Variants in KCNIP3 observed in about 807,000 individuals in gnomAD.
The protein encoded by KCNIP3 is calsenilin.
KCNIP3 carries 28 observed loss-of-function variants against 35.0 expected under a neutral mutation model. The ratio of observed to expected loss-of-function variants is 0.80; its 90% CI spans 0.59 to 1.10. The LOEUF is 1.10. Ranked by LOEUF, KCNIP3 falls within the 50% of genes least tolerant of loss-of-function variation. The probability of loss-of-function intolerance (pLI) is 0.00; values close to 1 mark genes in which losing one functional copy is unlikely to be tolerated. For synonymous variants in KCNIP3, 134 were observed against 133.8 expected, an observed-to-expected ratio of 1.00 and a Z score of -0.01; for missense variants, 295 against 338.4, an observed-to-expected ratio of 0.87 and a Z score of 1.01.
intron 2 of KCNIP3, among the ~76,000 whole-genome samples, chr2:95,314,180 G>A (rs538453531): frequency 5.3e-5 from 8 of 152,026 alleles, no homozygotes; most frequent in Admixed American, 4.6e-4. Context: ...GAAAGGCATC[G>A]GAACAAAAGG....
chr2:95,347,143 C>G (rs760872093), intron 2 of KCNIP3: 2 of 1,585,934 alleles, frequency 1.3e-6, no homozygotes, highest in Non-Finnish European at 1.7e-6. Flanking sequence ...GCCACTTGCC[C>G]CTTCGCCGCC....
Position 95,368,501 on chromosome 2 carries a change from C to T in KCNIP3, c.182-5795C>T, listed in dbSNP as rs370841406. The T allele has an allele frequency of 1.5e-3, 339 of 233,198 alleles. 2 individuals are homozygous for T. The highest frequency in any genetic ancestry group is 2.4e-3 in the South Asian group (32 of 13,440). 14.4% of individuals were successfully genotyped at this position (233,198 alleles called of 1,614,324 possible). A position where few individuals can be genotyped will look rare whatever the true frequency, so the allele number is the denominator to read the frequency against. Reference sequence around the variant, plus strand: ...AAGAACTTACTCATGTAAGCAGACACGACCTGTTCCTCAATAACCTATGGA... The same window carrying T: ...AAGAACTTACTCATGTAAGCAGACATGACCTGTTCCTCAATAACCTATGGA... On this transcript the variant is annotated intron_variant, in intron 2 of 8. Transcript: ENST00000295225.
At chr2:95,332,231 C>A (rs1157905717) in intron 2 of KCNIP3, among the ~76,000 whole-genome samples, 1 of 152,272 alleles carries the variant, frequency 6.6e-6, no homozygotes, top group Non-Finnish European at 1.5e-5. Context: ...ATGTGACACA[C>A]AAATGGCCCT....
chr2:95,373,278 T>G (rs1353741867), intron 2 of KCNIP3, among the ~76,000 whole-genome samples: 1 of 152,216 alleles, frequency 6.6e-6, no homozygotes, highest in Non-Finnish European at 1.5e-5. Flanking sequence ...AGCTTTATTT[T>G]GCATTGTAAA....
At chr2:95,317,873 C>T (rs1021817919) in intron 2 of KCNIP3, among the ~76,000 whole-genome samples, 4 of 152,186 alleles carry the variant, frequency 2.6e-5, no homozygotes, top group African/African-American at 9.7e-5. Context: ...TGGCCCGAGG[C>T]TGCAGGAGTG....
chr2:95,371,830 A>C (rs1680048418), intron 2 of KCNIP3, among the ~76,000 whole-genome samples: 1 of 135,288 alleles, frequency 7.4e-6, no homozygotes, highest in Non-Finnish European at 1.5e-5. Flanking sequence ...TTTGAGATGG[A>C]GTCTCACTCT....
chr2:95,319,010 A>C (rs1678526101), intron 2 of KCNIP3, among the ~76,000 whole-genome samples: 1 of 152,248 alleles, frequency 6.6e-6, no homozygotes, highest in Admixed American at 6.5e-5. Flanking sequence ...TCCAGGGACC[A>C]GGGGCTCATC....
intron 2 of KCNIP3, among the ~76,000 whole-genome samples, chr2:95,326,033 A>G (rs1291134061): frequency 6.6e-6 from 1 of 151,788 alleles, no homozygotes; most frequent in East Asian, 1.9e-4. Flanking sequence ...ACTCATACAC[A>G]CATACACTCA....
intron 2 of KCNIP3, among the ~76,000 whole-genome samples, chr2:95,318,699 G>A (rs1280655318): frequency 1.3e-5 from 2 of 152,220 alleles, no homozygotes; most frequent in Non-Finnish European, 2.9e-5. Context: ...TGCATGGGGG[G>A]ACCTGGCATT....
intron 2 of KCNIP3, among the ~76,000 whole-genome samples, chr2:95,368,012 T>C (rs1416355089): frequency 6.6e-6 from 1 of 152,216 alleles, no homozygotes; most frequent in Admixed American, 6.5e-5. Flanking sequence ...TCCACCCGCC[T>C]TGGCCTCCCA....
At chr2:95,358,296 C>G (rs1294502220) in intron 2 of KCNIP3, among the ~76,000 whole-genome samples, 2 of 152,164 alleles carry the variant, frequency 1.3e-5, no homozygotes, top group Non-Finnish European at 2.9e-5. Flanking sequence ...TGCATTTCAG[C>G]TTAGTGAATT....
At chr2:95,374,546 G>T (rs1415435046) in intron 3 of KCNIP3, 126 bp downstream of exon 3, 19 of 1,239,822 alleles carry the variant, frequency 1.5e-5, no homozygotes, top group Admixed American at 2.6e-5. Context: ...TGGGAAAGCT[G>T]TGTGGCGGGG....
chr2:95,299,240 G>A (rs1677957939), intron 1 of KCNIP3: 3 of 152,412 alleles, frequency 2.0e-5, no homozygotes, highest in African/African-American at 7.2e-5. Context: ...TGGCCAGGGA[G>A]GGGAGTGGGA....
At chr2:95,360,685 A>T (rs1459311894) in intron 2 of KCNIP3, among the ~76,000 whole-genome samples, 1 of 152,188 alleles carries the variant, frequency 6.6e-6, no homozygotes, top group Non-Finnish European at 1.5e-5. Context: ...AGGGCTTGGC[A>T]TCTGGGGATG....
intron 1 of KCNIP3, among the ~76,000 whole-genome samples, chr2:95,306,254 A>G (rs548785170): frequency 2.8e-4 from 42 of 152,348 alleles, no homozygotes; most frequent in Non-Finnish European, 4.9e-4. Context: ...GACGGCGAAC[A>G]TCTCTTCCCG....
chr2:95,357,358 C>T (rs1462948398), intron 2 of KCNIP3, among the ~76,000 whole-genome samples: 2 of 152,284 alleles, frequency 1.3e-5, no homozygotes, highest in Non-Finnish European at 2.9e-5. Flanking sequence ...CTGAGATCCC[C>T]GGCCTGGGAC....
intron 2 of KCNIP3, among the ~76,000 whole-genome samples, chr2:95,325,823 ACATACACTCATACACACT>A (rs1678744618): frequency 6.8e-6 from 1 of 147,168 alleles, no homozygotes; most frequent in Admixed American, 6.8e-5. Context: ...ACACACATAC[ACATACACTCATACACACT>A]CATACACACA....
At chr2:95,372,346 G>A (rs997877437) in intron 2 of KCNIP3, among the ~76,000 whole-genome samples, 1 of 152,156 alleles carries the variant, frequency 6.6e-6, no homozygotes, top group Admixed American at 6.5e-5. Context: ...CAACTCTCCT[G>A]CCAAAAATGC....
rs186909531 is a variant in KCNIP3, at chr2:95,325,984, T to C, written c.181+15464T>C. ...ACACTCATAGGCACACATACACTCC[T>C]ACACACTCACACACACTCAGACACA... On this transcript the variant is annotated intron_variant, in intron 2 of 8. Coordinates refer to ENST00000295225, the MANE Select transcript of KCNIP3 (RefSeq NM_013434.5). Among the ~76,000 whole-genome samples, 278 of 132,712 alleles carry C rather than the reference T, an allele frequency of 2.1e-3. 1 individual carries two copies. The highest frequency in any genetic ancestry group is 0.013 in the Middle Eastern group (2 of 156). 87.1% of individuals were successfully genotyped at this position (132,712 alleles called of 152,430 possible). A position where few individuals can be genotyped will look rare whatever the true frequency, so the allele number is the denominator to read the frequency against.
Sources: gnomAD v4.1 joint callset for allele counts (sites outside exome capture counted in the v4.1 genomes callset) on GRCh38, gnomAD v4.1.1 for gene constraint, MANE v1.5 for transcripts, NCBI Gene and HGNC (gene_info 2026-07-23, HGNC 2026-07-21) for gene names.